Variants in ELP5 observed in about 807,000 individuals in gnomAD.
ELP5 encodes elongator acetyltransferase complex subunit 5, also known as elongator complex protein 5.
In ELP5, 34 loss-of-function variants were observed where a neutral mutation model predicts 33.4. The observed-to-expected ratio is 1.02, with a 90% CI of 0.78 to 1.36. ELP5 has a LOEUF of 1.36. ELP5 is among the 40% of genes most tolerant of loss of function. ELP5 has a pLI of 0.00. For missense variants in ELP5, 373 were observed against 371.7 expected, an observed-to-expected ratio of 1.00 and a Z score of -0.03; for synonymous variants, 161 against 146.4, an observed-to-expected ratio of 1.10 and a Z score of -0.72.
At chr17:7,256,247 A>G (rs2072072430) in intron 4 of ELP5, among the ~76,000 whole-genome samples, 1 of 152,108 alleles carries the variant, frequency 6.6e-6, no homozygotes, top group Non-Finnish European at 1.5e-5. Context: ...TACTCAGGAG[A>G]CTGAGGCAGT....
At chr17:7,257,687 T>A (rs1448283708) in intron 5 of ELP5, among the ~76,000 whole-genome samples, 4 of 152,288 alleles carry the variant, frequency 2.6e-5, no homozygotes, top group South Asian at 4.1e-4. Context: ...TCCTCTGGCC[T>A]TGGTCTCCCA....
chr17:7,258,876 G>A lies in ELP5; in HGVS notation c.738G>A (p.Glu246=), dbSNP rs1384252055. Residue 246 remains glutamate, a synonymous_variant, in exon 7 of 8, where the codon GAG becomes GAA. Transcript: ENST00000396628. ...TTAACCTTCACCTGTCCAAGAAAGA[G>A]AGAGAAGCCAGAGATAGCCTGATCC... ...LTFNLHLSKK[E]REARDSLILP... is the part of the protein sequence containing the mutation. The A allele has an allele frequency of 3.1e-6, 5 of 1,613,992 alleles. No individual in the cohort carries two copies. Among genetic ancestry groups the A allele is most frequent in the African/African-American group, 1.3e-5 (1 of 74,910 alleles).
chr17:7,252,869 A>G lies in ELP5; in HGVS notation c.107+39A>G, dbSNP rs775564095. On this transcript the variant is annotated intron_variant, in intron 2 of 7. Transcript: ENST00000396628. ...AGTGTCTCCCCGGCCTACCCTGGAT[A>G]GGGCACCTGTGCCCACTCTTTGACA... 8.7e-6 allele frequency: 14 copies of G among 1,613,866 alleles called. No homozygotes were observed. The African/African-American group carries it at 9.3e-5, about 11-fold the overall frequency.
rs762426716 is a variant in ELP5 at position 7,254,675 on chromosome 17, T to C, written c.281T>C (p.Met94Thr). 8 of 1,614,066 alleles carry C rather than the reference T, an allele frequency of 5.0e-6. No individual in the cohort carries two copies. In the African/African-American group the frequency reaches 1.1e-4, roughly 22 times the overall value. Residue 94 changes from methionine to threonine, a missense_variant, in exon 4 of 8, where the codon ATG (methionine) becomes ACG (threonine). Coordinates refer to ENST00000396628, the MANE Select transcript of ELP5 (RefSeq NM_203414.3). ...GGGCCGCTGGGAGCCTTGAGAGCCA[T>C]GTGCAAGAGGACAGATCCTGTTCCT... Reference protein sequence around the residue: ...PGGPLGALRAMCKRTDPVPVT... With the variant: ...PGGPLGALRATCKRTDPVPVT...
chr17:7,256,322 G>A (rs1366450548), intron 4 of ELP5, among the ~76,000 whole-genome samples: 2 of 152,130 alleles, frequency 1.3e-5, no homozygotes, highest in African/African-American at 4.8e-5. Context: ...TAGCCTGGGC[G>A]ACAGAGCAAG....
At position 7,252,973 on chromosome 17, in the gene ELP5, G is replaced by C. The variant is rs1310581589; in HGVS notation, c.163G>C (p.Gly55Arg). The change falls in exon 3 of 8, where the codon GGT (glycine) becomes CGT (arginine). Residue 55 changes from glycine to arginine, a missense_variant. Transcript: ENST00000396628. ...AGTGAGCGAGGAAGAGTTTCGTGAAGGTTTTGACTCTGATATCAACAATCG... is the reference window on the plus strand; with the variant it reads ...AGTGAGCGAGGAAGAGTTTCGTGAACGTTTTGACTCTGATATCAACAATCG... ...CEVSEEEFRE[G>R]FDSDINNRLV... 1 of 1,614,056 alleles carries C rather than the reference G, an allele frequency of 6.2e-7. No homozygotes were observed. Among genetic ancestry groups the C allele is most frequent in the Admixed American group, 1.7e-5 (1 of 59,986 alleles).
In ELP5 at chr17:7,259,676, G is replaced by T; in HGVS notation, c.894G>T (p.Leu298=). 6.2e-7 allele frequency: 1 copy of T among 1,614,226 alleles called. No homozygotes were observed. Among genetic ancestry groups the T allele is most frequent in the Non-Finnish European group, 8.5e-7 (1 of 1,180,048 alleles). Residue 298 remains leucine, a synonymous_variant, in exon 8 of 8, where the codon CTG becomes CTT. Transcript: ENST00000396628. ...ACCAAGAAGACCCAGATGACGACCT[G>T]GATATTTGACTGGCCAGATTTGATT... is the stretch of plus-strand genomic sequence containing the variant. ...DLDQEDPDDD[L]DI
At chr17:7,258,008 A>C (rs1425820793) in intron 5 of ELP5, among the ~76,000 whole-genome samples, 17 of 143,604 alleles carry the variant, frequency 1.2e-4, no homozygotes, top group Middle Eastern at 4.1e-3. Flanking sequence ...GCGGAGGTTG[A>C]GGTGAGCCGA....
rs777918883 is a variant in ELP5, at chr17:7,252,536, G to C, written c.-15G>C. Reference sequence around the variant, plus strand: ...ATCAGAGGGCGCCAGAGCAGGGACCGGACGCGAGTTGGAGATGTTGGACTC... The same window carrying C: ...ATCAGAGGGCGCCAGAGCAGGGACCCGACGCGAGTTGGAGATGTTGGACTC... On this transcript the variant is annotated 5_prime_UTR_variant, in exon 1 of 8. Transcript: ENST00000396628. 5 of 1,613,844 alleles carry C rather than the reference G, an allele frequency of 3.1e-6. No individual in the cohort carries two copies. The highest frequency in any genetic ancestry group is 1.7e-4 in the Middle Eastern group (1 of 6,058).
In ELP5 at chr17:7,252,769, G is replaced by A. The variant is rs759424804; in HGVS notation, c.47-1G>A. ...CCCTTTATCCGTCCCTCGCTCTGCA[G>A]ATTCCGTGGAGTGGGAGGGGCGCAG... On this transcript the variant is annotated splice_acceptor_variant, in intron 1 of 7. Coordinates refer to ENST00000396628, the MANE Select transcript of ELP5 (RefSeq NM_203414.3). LOFTEE classifies it high-confidence loss of function. 3 of 1,614,244 alleles carry A rather than the reference G, an allele frequency of 1.9e-6. No homozygotes were observed. Among genetic ancestry groups the A allele is most frequent in the East Asian group, 2.2e-5 (1 of 44,888 alleles).
chr17:7,253,050 G>A (rs754432862), intron 3 of ELP5, 52 bp downstream of exon 3: 4 of 1,576,572 alleles, frequency 2.5e-6, no homozygotes, highest in East Asian at 2.2e-5. Context: ...ATAATGCTAA[G>A]GAAATTTCTT....
rs1490067731 is a variant in ELP5, at chr17:7,252,608, AGGCACGGTGGCGG to A, written c.46+16_46+28del. On this transcript the variant is annotated intron_variant, in intron 1 of 7. Coordinates refer to ENST00000396628, the MANE Select transcript of ELP5 (RefSeq NM_203414.3). ...GGTGCTGCTTCGGGGTGAGAGCCAG[AGGCACGGTGGCGG>A]GGCGGGGGGTGCGGTTCGGGCCTGG... The A allele has an allele frequency of 6.2e-6, 10 of 1,609,966 alleles. No individual in the cohort carries two copies. Among genetic ancestry groups the A allele is most frequent in the Non-Finnish European group, 7.6e-6 (9 of 1,178,714 alleles).
Position 7,256,959 on chromosome 17 carries a change from A to G in ELP5, c.512A>G (p.Glu171Gly). The G allele has an allele frequency of 6.2e-7, 1 of 1,613,630 alleles. No homozygotes were observed. Among genetic ancestry groups the G allele is most frequent in the South Asian group, 1.1e-5 (1 of 91,082 alleles). ...GCTCTCAGCAGCCTTGCTCAGACTG[A>G]GGTGACCCTGGGCGGTACCATGGGC... ...VGALSSLAQT[E>G]VTLGGTMGQA... is the part of the protein sequence containing the mutation. Residue 171 changes from glutamate (E) to glycine (G), a missense_variant, in exon 5 of 8, where the codon GAG becomes GGG. Physicochemically the swap from Glu to Gly is moderately conservative, Grantham distance 98. Transcript: ENST00000396628.
At position 7,252,490 on chromosome 17, in the gene ELP5, A is replaced by G. The variant is rs760349184; in HGVS notation, c.-61A>G. On this transcript the variant is annotated 5_prime_UTR_variant, in exon 1 of 8. Coordinates refer to ENST00000396628, the MANE Select transcript of ELP5 (RefSeq NM_203414.3). ...TCGGCCCGTTTCACCCCGAGGAGGA[A>G]GGACACTGGGTCATGACGCCATCAG... 3 of 1,613,026 alleles carry G rather than the reference A, an allele frequency of 1.9e-6. No individual in the cohort carries two copies. Among genetic ancestry groups the G allele is most frequent in the East Asian group, 4.5e-5 (2 of 44,868 alleles).
In ELP5 at chr17:7,259,918, T is replaced by A. The variant is rs981552311; in HGVS notation, c.*233T>A. 18 of 477,504 alleles carry A rather than the reference T, an allele frequency of 3.8e-5. No homozygotes were observed. The South Asian group carries it at 9.9e-4, about 26-fold the overall frequency. The allele number at this position is 477,504 out of a possible 1,614,324, so 29.6% of individuals were successfully genotyped here. ...AACACCCCCGTACCTAATAAAAATCTTTATTTTTTTATTAAAAAAGAAGTA... is the reference window on the plus strand; with the variant it reads ...AACACCCCCGTACCTAATAAAAATCATTATTTTTTTATTAAAAAAGAAGTA... On this transcript the variant is annotated 3_prime_UTR_variant, in exon 8 of 8. Coordinates refer to ENST00000396628, the MANE Select transcript of ELP5 (RefSeq NM_203414.3).
chr17:7,252,352 C>A lies in ELP5; in HGVS notation c.-199C>A. On this transcript the variant is annotated 5_prime_UTR_variant, in exon 1 of 8. Coordinates refer to ENST00000396628, the MANE Select transcript of ELP5 (RefSeq NM_203414.3). Reference sequence around the variant, plus strand: ...GGTCGTTGTCCGTACGACTGTGCGCCAGGGCTCGGGGAGGGGCGCCCTCCG... The same window carrying A: ...GGTCGTTGTCCGTACGACTGTGCGCAAGGGCTCGGGGAGGGGCGCCCTCCG... 1 of 750,414 alleles carries A rather than the reference C, an allele frequency of 1.3e-6. No individual in the cohort carries two copies. The highest frequency in any genetic ancestry group is 2.3e-6 in the Non-Finnish European group (1 of 444,434). The allele number at this position is 750,414 out of a possible 1,614,324, so 46.5% of individuals were successfully genotyped here.
chr17:7,257,109 T>C, intron 5 of ELP5, 71 bp downstream of exon 5: 2 of 1,429,480 alleles, frequency 1.4e-6, no homozygotes, highest in African/African-American at 1.4e-5. Flanking sequence ...GGAAGAACAA[T>C]GAAAATGCTG....
chr17:7,259,347 T>G, intron 7 of ELP5: 1 of 1,398,276 alleles, frequency 7.2e-7, no homozygotes, highest in Non-Finnish European at 9.3e-7. Context: ...GCCCTCAAGC[T>G]GCTAGGAACT....
chr17:7,252,790 C>T lies in ELP5; in HGVS notation c.67C>T (p.Arg23Cys). The change falls in exon 2 of 8, where the codon CGC becomes TGC. Residue 23 changes from arginine (R) to cysteine (C), a missense_variant. Transcript: ENST00000396628. ...TGCAGATTCCGTGGAGTGGGAGGGG[C>T]GCAGTCTCTTGAAGGCGCTTGTCAA... ...LLRDSVEWEG[R>C]SLLKALVKKS... is the part of the protein sequence containing the mutation. 6.2e-7 allele frequency: 1 copy of T among 1,614,214 alleles called. No homozygotes were observed. The highest frequency in any genetic ancestry group is 8.5e-7 in the Non-Finnish European group (1 of 1,180,030).
Sources: allele counts gnomAD v4.1 joint callset (sites outside exome capture counted in the v4.1 genomes callset), GRCh38; gene constraint gnomAD v4.1.1; transcripts MANE v1.5; gene names NCBI Gene and HGNC (gene_info 2026-07-23, HGNC 2026-07-21).